CDH4: variants seen among roughly 807,000 people sequenced by gnomAD.
CDH4 encodes the protein cadherin-4.
A neutral mutation model predicts 86.0 loss-of-function variants in CDH4; 33 were observed. The ratio of observed to expected loss-of-function variants is 0.38; its 90% CI spans 0.29 to 0.51. The LOEUF (loss-of-function observed/expected upper bound fraction) is 0.51. Among genes scored for constraint, CDH4 ranks in the 20% least tolerant of loss-of-function variants. The probability of loss-of-function intolerance (pLI) is 0.86; values close to 1 mark genes in which losing one functional copy is unlikely to be tolerated. For missense variants in CDH4, 1,114 were observed against 1,307.4 expected (o/e 0.85, Z 2.28); for synonymous variants, 555 against 549.4 (o/e 1.01, Z -0.14).
intron 6 of CDH4, among the ~76,000 whole-genome samples, chr20:61,867,762 CTT>C (rs1983615209): frequency 6.6e-6 from 1 of 152,124 alleles, no homozygotes; most frequent in African/African-American, 2.4e-5. Flanking sequence ...CCATTACTGT[CTT>C]GAGTTAATGA....
At chr20:61,830,250 A>G (rs35335474) in intron 4 of CDH4, among the ~76,000 whole-genome samples, 67,227 of 151,720 alleles carry the variant, frequency 0.44, 16,869 homozygotes, top group Non-Finnish European at 0.58. Context: ...CAGAGGCCAC[A>G]TCCCTGCACC....
chr20:61,310,826 C>T (rs1450199495), intron 2 of CDH4, among the ~76,000 whole-genome samples: 2 of 152,200 alleles, frequency 1.3e-5, no homozygotes, highest in African/African-American at 4.8e-5. Flanking sequence ...GTGTCTGCGT[C>T]CTAGCTCCCT....
In CDH4 at chr20:61,719,464, C is replaced by CT. The variant is rs1215458956; in HGVS notation, c.170-24098dup. On this transcript the variant is annotated intron_variant, in intron 2 of 15. Transcript: ENST00000614565. ...GTGAAATAACTGTGGAAATATTTCA[C>CT]TAACTACATTAACCTTCGCTGGCTT... The CT allele has an allele frequency of 2.5e-5, 6 of 236,362 alleles. No homozygotes were observed. The East Asian group carries it at 6.4e-4, about 25-fold the overall frequency. 14.6% of individuals were successfully genotyped at this position (236,362 alleles called of 1,614,324 possible). A position where few individuals can be genotyped will look rare whatever the true frequency, so the allele number is the denominator to read the frequency against.
At chr20:61,564,364 G>A (rs1483954870) in intron 2 of CDH4, among the ~76,000 whole-genome samples, 1 of 152,208 alleles carries the variant, frequency 6.6e-6, no homozygotes, top group East Asian at 1.9e-4. Context: ...GTGATCCCCA[G>A]TGTTGGAGGC....
Position 61,691,346 on chromosome 20 carries a change from T to G in CDH4, c.170-52217T>G, listed in dbSNP as rs116186634. Among the ~76,000 whole-genome samples, 1,447 of 152,144 alleles carry G rather than the reference T, an allele frequency of 9.5e-3. 16 individuals are homozygous for G. The highest frequency in any genetic ancestry group is 0.032 in the African/African-American group (1,331 of 41,492). On this transcript the variant is annotated intron_variant, in intron 2 of 15. Coordinates refer to ENST00000614565, the MANE Select transcript of CDH4 (RefSeq NM_001794.5). ...GTGCAAGTGGATGTGTGTATGTGTG[T>G]GTATTTTTGTGTGTGCATGTGCATA...
intron 2 of CDH4, among the ~76,000 whole-genome samples, chr20:61,500,122 C>T (rs1023994581): frequency 5.9e-5 from 9 of 152,324 alleles, no homozygotes; most frequent in Admixed American, 3.3e-4. Context: ...GAGGCCCAGC[C>T]GAATGGAGCA....
At chr20:61,593,568 T>C (rs1030483726) in intron 2 of CDH4, among the ~76,000 whole-genome samples, 1 of 152,192 alleles carries the variant, frequency 6.6e-6, no homozygotes, top group Non-Finnish European at 1.5e-5. Context: ...AGTGTCACAT[T>C]GTGATTTAGT....
At chr20:61,457,685 G>A (rs138050516) in intron 2 of CDH4, among the ~76,000 whole-genome samples, 1 of 152,230 alleles carries the variant, frequency 6.6e-6, no homozygotes, top group Non-Finnish European at 1.5e-5. Flanking sequence ...GACACTGGTG[G>A]TGGTGTTGGG....
At chr20:61,441,500 ATGTC>A (rs2085315026) in intron 2 of CDH4, among the ~76,000 whole-genome samples, 1 of 152,118 alleles carries the variant, frequency 6.6e-6, no homozygotes, top group Admixed American at 6.5e-5. Flanking sequence ...TGTGTTCTGA[ATGTC>A]TGTGTCCCTC....
intron 2 of CDH4, among the ~76,000 whole-genome samples, chr20:61,489,183 G>A (rs1257586533): frequency 1.3e-5 from 2 of 152,146 alleles, no homozygotes; most frequent in Non-Finnish European, 2.9e-5. Flanking sequence ...GCATGTGACA[G>A]CTCCACCCTT....
At chr20:61,370,284 G>C (rs1377731426) in intron 2 of CDH4, 1 of 153,532 alleles carries the variant, frequency 6.5e-6, no homozygotes, top group East Asian at 1.9e-4. Context: ...TGCCTGTGAA[G>C]GTAGAGTGCT....
chr20:61,791,972 G>A (rs1979226437), intron 4 of CDH4, among the ~76,000 whole-genome samples: 2 of 152,162 alleles, frequency 1.3e-5, no homozygotes, highest in South Asian at 4.1e-4. Context: ...TAGCTCCAAT[G>A]CAGGAAAAAG....
At chr20:61,562,944 T>C (rs1445410887) in intron 2 of CDH4, among the ~76,000 whole-genome samples, 1 of 152,164 alleles carries the variant, frequency 6.6e-6, no homozygotes, top group Non-Finnish European at 1.5e-5. Flanking sequence ...AGCCCAGGGA[T>C]GCTGACTGAA....
chr20:61,374,958 T>C (rs942896576), intron 2 of CDH4, among the ~76,000 whole-genome samples: 6 of 152,204 alleles, frequency 3.9e-5, no homozygotes, highest in Non-Finnish European at 8.8e-5. Flanking sequence ...TTCCAACCAA[T>C]TGCCAGTTAG....
At chr20:61,668,327 G>A (rs2087350025) in intron 2 of CDH4, among the ~76,000 whole-genome samples, 1 of 152,232 alleles carries the variant, frequency 6.6e-6, no homozygotes, top group African/African-American at 2.4e-5. Flanking sequence ...GCAGGCAGGG[G>A]GAATTTAGCC....
Position 61,510,761 on chromosome 20 carries a change from G to A in CDH4, c.170-232802G>A, listed in dbSNP as rs1004219243. Among the ~76,000 whole-genome samples the A allele has an allele frequency of 6.6e-6, 1 of 152,166 alleles. No homozygotes were observed. Among genetic ancestry groups the A allele is most frequent in the Non-Finnish European group, 1.5e-5 (1 of 68,034 alleles). ...TAGGCTGTTCTTGCATTGCTATAAA[G>A]AAATACCTGAGACTGGGTAATTTAT... is the stretch of plus-strand genomic sequence containing the variant. On this transcript the variant is annotated intron_variant, in intron 2 of 15. Transcript: ENST00000614565. This position sits in a 1 kb window ranked among gnomAD's most constrained non-coding sequence, Gnocchi z 4.2.
At chr20:61,696,045 A>G (rs1159713448) in intron 2 of CDH4, among the ~76,000 whole-genome samples, 3 of 152,152 alleles carry the variant, frequency 2.0e-5, no homozygotes, top group African/African-American at 7.2e-5. Flanking sequence ...CCTAGCCTAC[A>G]GGTCTGTCCC....
At chr20:61,367,867 CTTTTTT>C (rs372521090) in intron 2 of CDH4, among the ~76,000 whole-genome samples, 1 of 119,076 alleles carries the variant, frequency 8.4e-6, no homozygotes, top group Non-Finnish European at 1.7e-5. Flanking sequence ...TCTCCAGGAT[CTTTTTT>C]TTTTTTTTTT....
intron 2 of CDH4, among the ~76,000 whole-genome samples, chr20:61,508,134 T>A (rs1418672228): frequency 6.6e-6 from 1 of 152,200 alleles, no homozygotes; most frequent in African/African-American, 2.4e-5. Flanking sequence ...CCTAAAAATG[T>A]GTTTGGTCAA....
Sources: allele counts gnomAD v4.1 joint callset (sites outside exome capture counted in the v4.1 genomes callset), GRCh38; gene constraint gnomAD v4.1.1; non-coding constraint Gnocchi (gnomAD v3.1); transcripts MANE v1.5; gene names NCBI Gene and HGNC (gene_info 2026-07-23, HGNC 2026-07-21).